TYW1B: variants seen among roughly 807,000 people sequenced by gnomAD.
TYW1B encodes tRNA-yW synthesizing protein 1 homolog B.
TYW1B carries 73 observed loss-of-function variants against 86.9 expected under a neutral mutation model. That is an observed-to-expected ratio of 0.84 (90% CI 0.70 to 1.02). The LOEUF is 1.02. Ranked by LOEUF, TYW1B falls within the 50% of genes least tolerant of loss-of-function variation. The probability of loss-of-function intolerance (pLI) is 0.00; values close to 1 mark genes in which losing one functional copy is unlikely to be tolerated. For missense variants in TYW1B, 637 were observed against 827.4 expected, an observed-to-expected ratio of 0.77 and a Z score of 2.82; for synonymous variants, 248 against 292.8, an observed-to-expected ratio of 0.85 and a Z score of 1.56.
intron 11 of TYW1B, among the ~76,000 whole-genome samples, chr7:72,633,239 C>A (rs1234544365): frequency 6.6e-6 from 1 of 152,200 alleles, no homozygotes; most frequent in Non-Finnish European, 1.5e-5. Context: ...TTGCCAGGAG[C>A]CCATACAATG....
In TYW1B at chr7:72,699,364, A is replaced by T. The variant is rs187093526; in HGVS notation, c.1371-4542T>A. On this transcript the variant is annotated intron_variant, in intron 10 of 13. Transcript: ENST00000620995. Reference sequence around the variant, plus strand: ...CCAGGTCTCATGTCCTGCCAGGGTTAGGTTTGGCTTACTGAAGTTTTATGT... The same window carrying T: ...CCAGGTCTCATGTCCTGCCAGGGTTTGGTTTGGCTTACTGAAGTTTTATGT... Among the ~76,000 whole-genome samples the T allele has an allele frequency of 3.3e-5, 5 of 152,286 alleles. No homozygotes were observed. The East Asian group carries it at 7.7e-4, about 24-fold the overall frequency.
intron 2 of TYW1B, among the ~76,000 whole-genome samples, chr7:72,818,911 C>T (rs1449868464): frequency 6.6e-6 from 1 of 152,124 alleles, no homozygotes; most frequent in African/African-American, 2.4e-5. Flanking sequence ...ATCTAAGCAC[C>T]TCCCGCCAAG....
chr7:72,716,127 T>A (rs1370671253), intron 9 of TYW1B, among the ~76,000 whole-genome samples: 2 of 152,144 alleles, frequency 1.3e-5, no homozygotes, highest in Non-Finnish European at 2.9e-5. Flanking sequence ...TTAGTAGAGA[T>A]GGGGTTTCAC....
At chr7:72,598,197 A>G (rs1430387057) in intron 13 of TYW1B, among the ~76,000 whole-genome samples, 1 of 152,212 alleles carries the variant, frequency 6.6e-6, no homozygotes, top group African/African-American at 2.4e-5. Flanking sequence ...GCAGAAAAAC[A>G]TGAAAAGGTG....
rs782628241 is a variant in TYW1B at position 72,810,438 on chromosome 7, A to C, written c.432+33T>G. On this transcript the variant is annotated intron_variant, in intron 4 of 13. Coordinates refer to ENST00000620995, the MANE Select transcript of TYW1B (RefSeq NM_001145440.3). ...TGCGTGTGTGTGTGTGTTTATGGGG[A>C]GAATTTATTCCTATAATTCAATATA... 4 of 1,578,770 alleles carry C rather than the reference A, an allele frequency of 2.5e-6. No homozygotes were observed. In the South Asian group the frequency reaches 3.5e-5, roughly 14 times the overall value.
chr7:72,624,920 G>A (rs1350448010), intron 12 of TYW1B, among the ~76,000 whole-genome samples: 4 of 152,042 alleles, frequency 2.6e-5, no homozygotes, highest in African/African-American at 7.2e-5. Context: ...TTGGCCAAGC[G>A]TGGTGGTGTA....
At position 72,826,976 on chromosome 7, in the gene TYW1B, G is replaced by A. The variant is rs376108043; in HGVS notation, c.14C>T (p.Ala5Val). Residue 5 changes from alanine (A) to valine (V), a missense_variant, in exon 2 of 14, where the codon GCG becomes GTG. Coordinates refer to ENST00000620995, the MANE Select transcript of TYW1B (RefSeq NM_001145440.3). MDPSADTWDLSSPLI... is the reference protein window; with the variant it reads MDPSVDTWDLSSPLI... ...AGGTGAGGAGAGGTCCCATGTATCCGCAGAAGGATCTAAATTTAAAATGAC... is the reference window on the plus strand; with the variant it reads ...AGGTGAGGAGAGGTCCCATGTATCCACAGAAGGATCTAAATTTAAAATGAC... 8 of 1,603,726 alleles carry A rather than the reference G, an allele frequency of 5.0e-6. No individual in the cohort carries two copies. The highest frequency in any genetic ancestry group is 1.8e-5 in the Admixed American group (1 of 56,646).
intron 7 of TYW1B, among the ~76,000 whole-genome samples, chr7:72,774,075 A>G (rs1256710748): frequency 2.0e-5 from 3 of 151,438 alleles, no homozygotes; most frequent in Non-Finnish European, 4.4e-5. Context: ...AAAAAAAAAA[A>G]AAAAAAGAAA....
intron 6 of TYW1B, among the ~76,000 whole-genome samples, chr7:72,794,323 A>G (rs567466790): frequency 6.6e-6 from 1 of 152,296 alleles, no homozygotes; most frequent in East Asian, 1.9e-4. Flanking sequence ...TGGGAGGCTC[A>G]GGCAGGAGGA....
intron 8 of TYW1B, among the ~76,000 whole-genome samples, chr7:72,730,744 A>G (rs1252427207): frequency 6.6e-6 from 1 of 151,780 alleles, no homozygotes; most frequent in Non-Finnish European, 1.5e-5. Flanking sequence ...AGCCTACAGG[A>G]ATGATGGGAC....
intron 6 of TYW1B, among the ~76,000 whole-genome samples, chr7:72,792,472 G>A (rs1174729038): frequency 1.3e-5 from 2 of 152,208 alleles, no homozygotes; most frequent in Non-Finnish European, 2.9e-5. Flanking sequence ...AGATTGACAA[G>A]ATTTGAAAGA....
intron 13 of TYW1B, among the ~76,000 whole-genome samples, chr7:72,604,215 C>G: frequency 6.6e-6 from 1 of 152,198 alleles, no homozygotes; most frequent in African/African-American, 2.4e-5. Context: ...GTGATCCCAG[C>G]AATTTGAGAG....
Position 72,574,609 on chromosome 7 carries a change from T to C in TYW1B, c.*889A>G, listed in dbSNP as rs570882262. 3.0e-6 allele frequency: 3 copies of C among 985,446 alleles called. No individual in the cohort carries two copies. The highest frequency in any genetic ancestry group is 1.7e-5 in the African/African-American group (1 of 57,362). 61.0% of individuals were successfully genotyped at this position (985,446 alleles called of 1,614,324 possible). A position where few individuals can be genotyped will look rare whatever the true frequency, so the allele number is the denominator to read the frequency against. Reference sequence around the variant, plus strand: ...AACAATTTTGAGTATTTATGATCTTTCCAACTTGAAAACACCTGAACCTTA... The same window carrying C: ...AACAATTTTGAGTATTTATGATCTTCCCAACTTGAAAACACCTGAACCTTA... On this transcript the variant is annotated 3_prime_UTR_variant, in exon 14 of 14. Transcript: ENST00000620995.
chr7:72,765,235 G>C (rs1585966855), intron 7 of TYW1B, among the ~76,000 whole-genome samples: 1 of 152,152 alleles, frequency 6.6e-6, no homozygotes, highest in East Asian at 1.9e-4. Context: ...TGGCTTCCTA[G>C]CTCAGGAGGT....
At chr7:72,594,049 A>C (rs1314815428) in intron 13 of TYW1B, among the ~76,000 whole-genome samples, 1 of 151,924 alleles carries the variant, frequency 6.6e-6, no homozygotes. Flanking sequence ...ATAGCTATAA[A>C]CACTGATTTT....
At chr7:72,731,124 G>A (rs1787098415) in intron 8 of TYW1B, among the ~76,000 whole-genome samples, 1 of 127,586 alleles carries the variant, frequency 7.8e-6, no homozygotes. Flanking sequence ...TCTAAGGGCT[G>A]GAAAAAAAAA....
chr7:72,766,342 G>A (rs1272514947), intron 7 of TYW1B, among the ~76,000 whole-genome samples: 2 of 152,140 alleles, frequency 1.3e-5, no homozygotes, highest in East Asian at 1.9e-4. Flanking sequence ...TGGGCCAGGC[G>A]CGGTGGCTCA....
chr7:72,713,672 C>T lies in TYW1B; in HGVS notation c.1319G>A (p.Cys440Tyr), dbSNP rs782698910. 40 of 1,614,056 alleles carry T rather than the reference C, an allele frequency of 2.5e-5. No homozygotes were observed. Among genetic ancestry groups the T allele is most frequent in the Non-Finnish European group, 3.4e-5 (40 of 1,180,006 alleles). Residue 440 changes from cysteine to tyrosine, a missense_variant, in exon 10 of 14, where the codon TGT becomes TAT. By Grantham distance (194) the Cys-to-Tyr change is radical (BLOSUM62 -2). Coordinates refer to ENST00000620995, the MANE Select transcript of TYW1B (RefSeq NM_001145440.3). Reference sequence around the variant, plus strand: ...TGTGACCAGGAAGCTGGAGATTTTACACTGGTGGAGTAGCTTCAAAAACCT... The same window carrying T: ...TGTGACCAGGAAGCTGGAGATTTTATACTGGTGGAGTAGCTTCAAAAACCT... ...INRFLKLLHQCKISSFLVTNA... is the reference protein window; with the variant it reads ...INRFLKLLHQYKISSFLVTNA...
intron 11 of TYW1B, among the ~76,000 whole-genome samples, chr7:72,662,629 T>C (rs1404644623): frequency 1.3e-5 from 2 of 152,242 alleles, no homozygotes; most frequent in South Asian, 4.1e-4. Context: ...AAACACATTT[T>C]TCCCCCCAGT....
Sources: allele counts gnomAD v4.1 joint callset (sites outside exome capture counted in the v4.1 genomes callset), GRCh38; gene constraint gnomAD v4.1.1; transcripts MANE v1.5; gene names NCBI Gene and HGNC (gene_info 2026-07-23, HGNC 2026-07-21).